Variants in UNC93A observed in about 807,000 individuals in gnomAD.
UNC93A encodes the protein N-acetylglucosamine transporter UNC93A.
Under a neutral mutation model 47.5 loss-of-function variants are expected in UNC93A, and 43 were observed. The ratio of observed to expected loss-of-function variants is 0.91; its 90% CI spans 0.71 to 1.17. UNC93A has a LOEUF of 1.17. UNC93A is among the 50% of genes most tolerant of loss of function. UNC93A has a pLI of 0.00. For missense variants in UNC93A, 605 were observed against 577.6 expected (o/e 1.05, Z -0.49); for synonymous variants, 280 against 258.0 (o/e 1.09, Z -0.82).
At chr6:167,272,710 T>C (rs937405241) in intron 1 of UNC93A, among the ~76,000 whole-genome samples, 1 of 152,200 alleles carries the variant, frequency 6.6e-6, no homozygotes, top group African/African-American at 2.4e-5. Context: ...AATGTTCTGG[T>C]TGACAATCAG....
chr6:167,301,400 T>C (rs886295736), intron 4 of UNC93A, among the ~76,000 whole-genome samples: 5 of 152,186 alleles, frequency 3.3e-5, no homozygotes, highest in Non-Finnish European at 5.9e-5. Context: ...TCCTTTTCTA[T>C]AAAGCAAGAC....
chr6:167,278,123 G>A lies in UNC93A; in HGVS notation c.-52+6665G>A, dbSNP rs376638484. Among the ~76,000 whole-genome samples, 5 of 152,346 alleles carry A rather than the reference G, an allele frequency of 3.3e-5. No individual in the cohort carries two copies. In the South Asian group the frequency reaches 6.2e-4, roughly 19 times the overall value. ...GAGCCCAGACTTCCCGAGGGGTCCT[G>A]TCAGGCACAGACAGGGCTACCACAA... On this transcript the variant is annotated intron_variant, in intron 1 of 3. Transcript: ENST00000503433.
Position 167,296,180 on chromosome 6 carries a change from A to G in UNC93A, c.418A>G (p.Ile140Val). ...AGACATGGTGAACCAGTATTTTGGCATCTTCTTCCTCATATTCCAGTCATC... is the reference window on the plus strand; with the variant it reads ...AGACATGGTGAACCAGTATTTTGGCGTCTTCTTCCTCATATTCCAGTCATC... ...GKDMVNQYFG[I>V]FFLIFQSSGV... Residue 140 changes from isoleucine (I) to valine (V), a missense_variant, in exon 3 of 8, where the codon ATC becomes GTC. Transcript: ENST00000230256. 3.7e-6 allele frequency: 6 copies of G among 1,614,212 alleles called. No individual in the cohort carries two copies. The South Asian group carries it at 6.6e-5, about 18-fold the overall frequency.
upstream of UNC93A, among the ~76,000 whole-genome samples, chr6:167,290,597 A>G (rs908905154): frequency 1.6e-4 from 25 of 152,240 alleles, no homozygotes; most frequent in Admixed American, 7.8e-4. Flanking sequence ...CTCTAGCCAC[A>G]TGTGGTTAAA....
At chr6:167,278,610 A>G (rs138714429) in intron 1 of UNC93A, among the ~76,000 whole-genome samples, 1 of 152,218 alleles carries the variant, frequency 6.6e-6, no homozygotes, top group Non-Finnish European at 1.5e-5. Context: ...AGTTCATTAG[A>G]TGCCTTCCAG....
In UNC93A at chr6:167,303,997, A is replaced by G; in HGVS notation, c.704A>G (p.Glu235Gly). ...IRDVQRESEGEKKSVPFWSTL... is the reference protein window; with the variant it reads ...IRDVQRESEGGKKSVPFWSTL... ...GATGTTCAGCGGGAAAGTGAAGGAG[A>G]GAAGAAATCAGTACCTTTCTGGTCC... Residue 235 changes from glutamate to glycine, a missense_variant, in exon 5 of 8, where the codon GAG (glutamate) becomes GGG (glycine). Transcript: ENST00000230256. 6.2e-7 allele frequency: 1 copy of G among 1,613,118 alleles called. No homozygotes were observed. Among genetic ancestry groups the G allele is most frequent in the Non-Finnish European group, 8.5e-7 (1 of 1,179,866 alleles).
chr6:167,296,167 C>T lies in UNC93A; in HGVS notation c.405C>T (p.Asn135=). 6.2e-7 allele frequency: 1 copy of T among 1,614,202 alleles called. No individual in the cohort carries two copies. The highest frequency in any genetic ancestry group is 1.1e-5 in the South Asian group (1 of 91,084). Residue 135 remains asparagine, a synonymous_variant, in exon 3 of 8, where the codon AAC becomes AAT. Coordinates refer to ENST00000230256, the MANE Select transcript of UNC93A (RefSeq NM_018974.4). ...GAAAGCGTGGCAAAGACATGGTGAA[C>T]CAGTATTTTGGCATCTTCTTCCTCA... ...KAGKRGKDMV[N]QYFGIFFLIF...
At chr6:167,290,909 G>A (rs1334423100), upstream of UNC93A, among the ~76,000 whole-genome samples, 1 of 152,110 alleles carries the variant, frequency 6.6e-6, no homozygotes, top group Non-Finnish European at 1.5e-5. Flanking sequence ...TTTAATAATT[G>A]CTGTACTGTG....
chr6:167,289,819 A>G (rs537221717), upstream of UNC93A, among the ~76,000 whole-genome samples: 1 of 152,044 alleles, frequency 6.6e-6, no homozygotes, highest in African/African-American at 2.4e-5. Flanking sequence ...GCCAAAAAAT[A>G]AAAATAAGGT....
intron 1 of UNC93A, among the ~76,000 whole-genome samples, chr6:167,283,752 C>T (rs1267428368): frequency 6.6e-6 from 1 of 152,036 alleles, no homozygotes; most frequent in Non-Finnish European, 1.5e-5. Flanking sequence ...TAACAGAGAC[C>T]CTTCATCATG....
In UNC93A at chr6:167,315,329, C is replaced by G. The variant is rs539006420; in HGVS notation, c.1251C>G (p.Val417=). The G allele has an allele frequency of 3.1e-6, 5 of 1,613,910 alleles. No individual in the cohort carries two copies. Among genetic ancestry groups the G allele is most frequent in the Non-Finnish European group, 4.2e-6 (5 of 1,179,880 alleles). Residue 417 remains valine (V), a synonymous_variant, in exon 8 of 8, where the codon GTC becomes GTG. Transcript: ENST00000230256. ...VHVKLYILLG[V]LSLTMVAYGL... ...TCAAGCTCTACATTCTGCTGGGGGTCCTGAGCCTGACCATGGTGGCGTATG... is the reference window on the plus strand; with the variant it reads ...TCAAGCTCTACATTCTGCTGGGGGTGCTGAGCCTGACCATGGTGGCGTATG...
In UNC93A at chr6:167,294,530, G is replaced by A. The variant is rs1479308570; in HGVS notation, c.101G>A (p.Ser34Asn). 8 of 1,614,084 alleles carry A rather than the reference G, an allele frequency of 5.0e-6. No individual in the cohort carries two copies. The highest frequency in any genetic ancestry group is 6.8e-6 in the Non-Finnish European group (8 of 1,179,992). Residue 34 changes from serine to asparagine, a missense_variant, in exon 2 of 8, where the codon AGC becomes AAC. Physicochemically the swap from Ser to Asn is conservative, Grantham distance 46. Transcript: ENST00000230256. ...TTGTTCCCACAGAGCAGCCTGTACAGCGAGGAGGGCCTGGGTGTCACAGCG... is the reference window on the plus strand; with the variant it reads ...TTGTTCCCACAGAGCAGCCTGTACAACGAGGAGGGCCTGGGTGTCACAGCG... ...GLQSLQSSLY[S>N]EEGLGVTALS...
chr6:167,270,138 C>T (rs1008078845), upstream of UNC93A, among the ~76,000 whole-genome samples: 5 of 151,908 alleles, frequency 3.3e-5, no homozygotes. Context: ...GAGGACCCAT[C>T]CATCTGTGTT....
At chr6:167,286,341 G>C (rs1282855373), upstream of UNC93A, among the ~76,000 whole-genome samples, 2 of 152,232 alleles carry the variant, frequency 1.3e-5, no homozygotes, top group Non-Finnish European at 2.9e-5. Flanking sequence ...CCGCTGAGCG[G>C]GAAGAAGCGG....
chr6:167,276,833 C>T (rs1783552223), intron 1 of UNC93A, among the ~76,000 whole-genome samples: 1 of 152,254 alleles, frequency 6.6e-6, no homozygotes, highest in African/African-American at 2.4e-5. Flanking sequence ...CCATCCCTGT[C>T]ATCACACCTG....
intron 1 of UNC93A, among the ~76,000 whole-genome samples, chr6:167,293,524 A>G (rs1005523686): frequency 6.6e-6 from 1 of 151,970 alleles, no homozygotes; most frequent in African/African-American, 2.4e-5. Flanking sequence ...GATAGAAGTG[A>G]CTCAGGATTG....
intron 1 of UNC93A, among the ~76,000 whole-genome samples, chr6:167,291,819 G>A (rs1241240941): frequency 6.6e-6 from 1 of 152,212 alleles, no homozygotes; most frequent in Non-Finnish European, 1.5e-5. Context: ...GACAAGGACA[G>A]CAGGGGTCTT....
At position 167,306,025 on chromosome 6, in the gene UNC93A, G is replaced by T; in HGVS notation, c.951G>T (p.Thr317=). The T allele has an allele frequency of 6.2e-7, 1 of 1,614,192 alleles. No individual in the cohort carries two copies. The highest frequency in any genetic ancestry group is 8.5e-7 in the Non-Finnish European group (1 of 1,180,034). Reference sequence around the variant, plus strand: ...TGTATGGAAAGGTCTCGCAGTACACGGGCAGGGCTGTGCTGTACGTGCTGG... The same window carrying T: ...TGTATGGAAAGGTCTCGCAGTACACTGGCAGGGCTGTGCTGTACGTGCTGG... ...SVLYGKVSQY[T]GRAVLYVLGA... is the part of the protein sequence containing the mutation. The change falls in exon 6 of 8, where the codon ACG becomes ACT. Residue 317 remains threonine, a synonymous_variant. Transcript: ENST00000230256.
intron 3 of UNC93A, among the ~76,000 whole-genome samples, chr6:167,297,619 A>G (rs751214572): frequency 2.4e-4 from 36 of 152,164 alleles, no homozygotes; most frequent in African/African-American, 7.2e-5. Flanking sequence ...CTTTTTGACT[A>G]ATTTTGAAAA....
Sources: gnomAD v4.1 joint callset for allele counts (sites outside exome capture counted in the v4.1 genomes callset) on GRCh38, gnomAD v4.1.1 for gene constraint, MANE v1.5 for transcripts, NCBI Gene and HGNC (gene_info 2026-07-23, HGNC 2026-07-21) for gene names.